The following NWD1 variants were observed in gnomAD, a reference collection of about 807,000 sequenced individuals.
The protein encoded by NWD1 is NACHT domain- and WD repeat-containing protein 1.
A neutral mutation model predicts 135.1 loss-of-function variants in NWD1; 129 were observed. That is an observed-to-expected ratio of 0.96 (90% CI 0.83 to 1.11). NWD1 has a LOEUF of 1.11. Among genes scored for constraint, NWD1 ranks in the 50% least tolerant of loss-of-function variants. The probability of loss-of-function intolerance (pLI) is 0.00; values close to 1 mark genes in which losing one functional copy is unlikely to be tolerated. For synonymous variants in NWD1, 773 were observed against 786.0 expected, an observed-to-expected ratio of 0.98 and a Z score of 0.28; for missense variants, 1,740 against 1,851.3, an observed-to-expected ratio of 0.94 and a Z score of 1.10.
In NWD1 at chr19:16,744,558, G is replaced by T; in HGVS notation, c.336G>T (p.Glu112Asp). ...ELVARYFQRD[E>D]NAFPPTYVLQ... is the part of the protein sequence containing the mutation. ...TGGCACGATACTTCCAGAGGGACGAGAATGCGTTTCCTCCCACCTACGTCC... is the reference window on the plus strand; with the variant it reads ...TGGCACGATACTTCCAGAGGGACGATAATGCGTTTCCTCCCACCTACGTCC... Residue 112 changes from glutamate (E) to aspartate (D), a missense_variant, in exon 5 of 19, where the codon GAG (glutamate) becomes GAT (aspartate). Coordinates refer to ENST00000524140, the MANE Select transcript of NWD1 (RefSeq NM_001007525.5). The T allele has an allele frequency of 1.3e-6, 2 of 1,535,722 alleles. No individual in the cohort carries two copies. Among genetic ancestry groups the T allele is most frequent in the Non-Finnish European group, 1.7e-6 (2 of 1,146,686 alleles).
At position 16,773,260 on chromosome 19, in the gene NWD1, C is replaced by T. The variant is rs1456106036; in HGVS notation, c.2545C>T (p.Leu849Phe). 1 of 1,613,478 alleles carries T rather than the reference C, an allele frequency of 6.2e-7. No homozygotes were observed. Among genetic ancestry groups the T allele is most frequent in the Non-Finnish European group, 8.5e-7 (1 of 1,180,022 alleles). ...QLCAHPVLVP[L>F]GGFLQPPGGP... The stretch of plus-strand genomic sequence containing the variant: ...GTGCGCACACCCTGTGCTGGTGCCC[C>T]TCGGAGGATTCCTCCAGCCCCCGGG... The change falls in exon 11 of 19, where the codon CTC (leucine) becomes TTC (phenylalanine). Residue 849 changes from leucine to phenylalanine, a missense_variant. Leu to Phe is a conservative substitution (Grantham distance 22). Transcript: ENST00000524140.
At chr19:16,785,639 T>TTAAA (rs1271598753) in intron 12 of NWD1, among the ~76,000 whole-genome samples, 78 of 150,706 alleles carry the variant, frequency 5.2e-4, no homozygotes, top group African/African-American at 1.8e-3. Flanking sequence ...TATACACTTA[T>TTAAA]ATATACATAT....
chr19:16,760,091 G>A (rs1968951223), intron 7 of NWD1, among the ~76,000 whole-genome samples: 3 of 151,986 alleles, frequency 2.0e-5, no homozygotes, highest in Non-Finnish European at 4.4e-5. Flanking sequence ...GGAGTTTGAG[G>A]CCACACTGAG....
chr19:16,740,979 C>T (rs1052830147), intron 4 of NWD1, among the ~76,000 whole-genome samples: 3 of 152,098 alleles, frequency 2.0e-5, no homozygotes, highest in East Asian at 3.9e-4. Flanking sequence ...GCCAACATGG[C>T]GAAACCCTGT....
At chr19:16,762,181 C>G (rs1245663633) in intron 8 of NWD1, 43 bp downstream of exon 8, 1 of 1,585,782 alleles carries the variant, frequency 6.3e-7, no homozygotes, top group African/African-American at 1.3e-5. Context: ...CAACCTCCAC[C>G]CTGCCTGGCA....
intron 12 of NWD1, 32 bp downstream of exon 12, chr19:16,779,497 CT>C: frequency 6.2e-7 from 1 of 1,605,064 alleles, no homozygotes. Context: ...TTGTGGTCAG[CT>C]TCCATAGTGA....
intron 4 of NWD1, 127 bp downstream of exon 4, chr19:16,736,877 G>T: frequency 1.5e-6 from 1 of 654,222 alleles, no homozygotes; most frequent in Non-Finnish European, 2.8e-6. Context: ...CCTATGGCCT[G>T]CCTGTGGCAG....
Position 16,740,087 on chromosome 19 carries a change from A to G in NWD1, c.198+3337A>G, listed in dbSNP as rs1212664233. Among the ~76,000 whole-genome samples the G allele has an allele frequency of 3.3e-5, 5 of 151,976 alleles. No homozygotes were observed. In the East Asian group the frequency reaches 7.8e-4, roughly 24 times the overall value. ...TAAAGCCGGAGGATCGTGTGATCCCAGGAGTTCAAGACCAGCCTGGGCAAC... is the reference window on the plus strand; with the variant it reads ...TAAAGCCGGAGGATCGTGTGATCCCGGGAGTTCAAGACCAGCCTGGGCAAC... On this transcript the variant is annotated intron_variant, in intron 4 of 18. Coordinates refer to ENST00000524140, the MANE Select transcript of NWD1 (RefSeq NM_001007525.5).
intron 15 of NWD1, among the ~76,000 whole-genome samples, chr19:16,796,653 C>T (rs1970425602): frequency 6.6e-6 from 1 of 151,874 alleles, no homozygotes. Flanking sequence ...TTCTTCCTTC[C>T]TTCTTCCCCT....
intron 11 of NWD1, among the ~76,000 whole-genome samples, chr19:16,775,186 C>G (rs1969555575): frequency 6.6e-6 from 1 of 152,006 alleles, no homozygotes. Context: ...AAGTACAATG[C>G]ATGGAGGAGT....
In NWD1 at chr19:16,772,345, A is replaced by G. The variant is rs1476431338; in HGVS notation, c.2411-781A>G. 7.2e-5 allele frequency among the ~76,000 whole-genome samples: 11 copies of G among 152,172 alleles called. No homozygotes were observed. In the East Asian group the frequency reaches 2.1e-3, roughly 30 times the overall value. On this transcript the variant is annotated intron_variant, in intron 10 of 18. Coordinates refer to ENST00000524140, the MANE Select transcript of NWD1 (RefSeq NM_001007525.5). The stretch of plus-strand genomic sequence containing the variant: ...GTGCCACTGCACTCCAGCCTGGGTG[A>G]CAGAGTAAGACCCTGTCTCTAAAAA...
At chr19:16,750,872 A>C (rs1968549882) in intron 6 of NWD1, among the ~76,000 whole-genome samples, 1 of 152,142 alleles carries the variant, frequency 6.6e-6, no homozygotes, top group South Asian at 2.1e-4. Context: ...ATGTAAAAGA[A>C]AGAAAGGACT....
chr19:16,797,873 A>T lies in NWD1; in HGVS notation c.3446A>T (p.Asp1149Val). 1 of 1,613,874 alleles carries T rather than the reference A, an allele frequency of 6.2e-7. No individual in the cohort carries two copies. The highest frequency in any genetic ancestry group is 1.1e-5 in the South Asian group (1 of 91,066). The part of the protein sequence containing the change: ...ENNLIITGSL[D>V]ALIQVWSLSE... ...AACCTGATCATCACGGGGTCCCTTG[A>T]TGCGCTCATTCAGGTGAGGGGAGAT... Residue 1149 changes from aspartate to valine, a missense_variant, in exon 16 of 19, where the codon GAT becomes GTT. Transcript: ENST00000524140.
At position 16,798,156 on chromosome 19, in the gene NWD1, T is replaced by G. The variant is rs114897614; in HGVS notation, c.3459+270T>G. On this transcript the variant is annotated intron_variant, in intron 16 of 18. Transcript: ENST00000524140. Reference sequence around the variant, plus strand: ...TTGTGCCTTCAGAGTGGAGCAGGGTTGTGGGGGAGGAAAATTCTCAATTTA... The same window carrying G: ...TTGTGCCTTCAGAGTGGAGCAGGGTGGTGGGGGAGGAAAATTCTCAATTTA... Among the ~76,000 whole-genome samples, 694 of 152,154 alleles carry G rather than the reference T, an allele frequency of 4.6e-3. 5 individuals carry two copies. Among genetic ancestry groups the G allele is most frequent in the African/African-American group, 0.016 (666 of 41,516 alleles).
At chr19:16,725,411 G>C (rs1032180271) in intron 2 of NWD1, among the ~76,000 whole-genome samples, 3 of 151,690 alleles carry the variant, frequency 2.0e-5, no homozygotes, top group African/African-American at 4.8e-5. Flanking sequence ...CCAGGAGATC[G>C]AGGCTACAGT....
intron 11 of NWD1, among the ~76,000 whole-genome samples, chr19:16,774,642 A>G (rs564858092): frequency 1.9e-4 from 29 of 150,778 alleles, no homozygotes; most frequent in Non-Finnish European, 3.8e-4. Context: ...CCATCCTTTC[A>G]TCCGTCCATC....
intron 18 of NWD1, among the ~76,000 whole-genome samples, chr19:16,814,726 C>T (rs1243020518): frequency 6.6e-6 from 1 of 152,210 alleles, no homozygotes; most frequent in Non-Finnish European, 1.5e-5. Flanking sequence ...CACAACCTCT[C>T]TTCCTTCTCC....
rs1010963113 is a variant in NWD1, at chr19:16,815,371, A to C, written c.*332A>C. The C allele has an allele frequency of 3.0e-6, 2 of 677,348 alleles. No homozygotes were observed. The highest frequency in any genetic ancestry group is 5.4e-6 in the Non-Finnish European group (2 of 373,780). The allele number at this position is 677,348 out of a possible 1,614,324, so 42.0% of individuals were successfully genotyped here. A position where few individuals can be genotyped will look rare whatever the true frequency, so the allele number is the denominator to read the frequency against. On this transcript the variant is annotated 3_prime_UTR_variant, in exon 19 of 19. Transcript: ENST00000524140. ...AAACCCTGTGGGGGTATGGGGCTCC[A>C]GTGAGTTAGCCCCATTTAATCTAGT...
chr19:16,806,420 C>T (rs1301521224), intron 17 of NWD1, among the ~76,000 whole-genome samples: 1 of 152,102 alleles, frequency 6.6e-6, no homozygotes, highest in Non-Finnish European at 1.5e-5. Flanking sequence ...AAAGTCTGGC[C>T]CCCTTGCTTC....
Sources: allele counts gnomAD v4.1 joint callset (sites outside exome capture counted in the v4.1 genomes callset), GRCh38; gene constraint gnomAD v4.1.1; transcripts MANE v1.5; gene names NCBI Gene and HGNC (gene_info 2026-07-23, HGNC 2026-07-21).